Variants in VPS41 observed in about 807,000 individuals in gnomAD.
VPS41 encodes the protein VPS41 subunit of HOPS complex, also known as vacuolar protein sorting-associated protein 41 homolog.
Under a neutral mutation model 130.9 loss-of-function variants are expected in VPS41, and 85 were observed. The ratio of observed to expected loss-of-function variants is 0.65; its 90% CI spans 0.55 to 0.78. The LOEUF (loss-of-function observed/expected upper bound fraction) is 0.78, where lower values mean the gene tolerates loss of function less well. Among genes scored for constraint, VPS41 ranks in the 30% least tolerant of loss-of-function variants. The pLI, the probability that VPS41 is intolerant of heterozygous loss-of-function variation, is 0.00. For missense variants in VPS41, 874 were observed against 1,018.7 expected, an observed-to-expected ratio of 0.86 and a Z score of 1.93; for synonymous variants, 335 against 332.9, an observed-to-expected ratio of 1.01 and a Z score of -0.07.
intron 1 of VPS41, among the ~76,000 whole-genome samples, chr7:38,907,078 GAA>G (rs3056397): frequency 0.31 from 43,509 of 141,194 alleles, 6,981 homozygotes; most frequent in Non-Finnish European, 0.39. Context: ...AATATACAGG[GAA>G]AAAAAAAAAA....
intron 9 of VPS41, among the ~76,000 whole-genome samples, chr7:38,794,887 T>C (rs1048061391): frequency 2.0e-5 from 3 of 152,238 alleles, no homozygotes; most frequent in African/African-American, 7.2e-5. Flanking sequence ...TAAATGTGAA[T>C]GAGCTTTGGG....
At chr7:38,746,997 A>G (rs1012572543) in intron 22 of VPS41, among the ~76,000 whole-genome samples, 2 of 152,204 alleles carry the variant, frequency 1.3e-5, no homozygotes, top group African/African-American at 4.8e-5. Flanking sequence ...CACGTGACAG[A>G]AAAAGAAACT....
At chr7:38,805,205 C>T (rs116146736) in intron 7 of VPS41, among the ~76,000 whole-genome samples, 2 of 152,124 alleles carry the variant, frequency 1.3e-5, no homozygotes, top group Non-Finnish European at 2.9e-5. Context: ...CCTGAAAACA[C>T]GGGTTTATGT....
chr7:38,857,283 C>T (rs957104769), intron 4 of VPS41, among the ~76,000 whole-genome samples: 3 of 152,178 alleles, frequency 2.0e-5, no homozygotes, highest in Non-Finnish European at 2.9e-5. Context: ...TTGTTTTAAT[C>T]TCCTTTTTTT....
At chr7:38,831,275 G>T (rs1471568843) in intron 4 of VPS41, 5 of 470,856 alleles carry the variant, frequency 1.1e-5, no homozygotes, top group Non-Finnish European at 2.2e-5. Flanking sequence ...AATTTAGTAA[G>T]TGTGTGCAGC....
chr7:38,820,065 C>T (rs1041482478), intron 6 of VPS41, among the ~76,000 whole-genome samples: 1 of 152,108 alleles, frequency 6.6e-6, no homozygotes, highest in Non-Finnish European at 1.5e-5. Flanking sequence ...CATCCCACAC[C>T]CCATCCCCAA....
chr7:38,789,957 A>T, intron 9 of VPS41, 90 bp from the exon 10 acceptor site: 1 of 1,288,808 alleles, frequency 7.8e-7, no homozygotes, highest in Non-Finnish European at 1.1e-6. Flanking sequence ...TGTTAAATTA[A>T]CCTTGTAGCA....
chr7:38,744,951 T>C (rs1187431360), intron 23 of VPS41, among the ~76,000 whole-genome samples: 5 of 152,238 alleles, frequency 3.3e-5, no homozygotes, highest in Non-Finnish European at 5.9e-5. Context: ...ATGAATGTTA[T>C]GTTATATGCT....
At chr7:38,772,776 C>A (rs146243556) in intron 12 of VPS41, 139 bp from the exon 13 acceptor site, 3 of 545,294 alleles carry the variant, frequency 5.5e-6, no homozygotes, top group Middle Eastern at 5.4e-4. Flanking sequence ...TTTGGCTCTG[C>A]TGGAAGGTAA....
chr7:38,826,572 G>C (rs1785284014), intron 5 of VPS41, among the ~76,000 whole-genome samples: 1 of 152,018 alleles, frequency 6.6e-6, no homozygotes, highest in African/African-American at 2.4e-5. Flanking sequence ...TTCTGTTCTA[G>C]GTTCTATTCC....
chr7:38,754,480 G>A (rs1783748888), intron 21 of VPS41, among the ~76,000 whole-genome samples: 1 of 152,092 alleles, frequency 6.6e-6, no homozygotes, highest in East Asian at 1.9e-4. Flanking sequence ...ATTCAATTGT[G>A]GGTCAAAATT....
intron 17 of VPS41, among the ~76,000 whole-genome samples, chr7:38,760,397 G>A (rs1159511567): frequency 3.3e-5 from 5 of 152,210 alleles, no homozygotes; most frequent in East Asian, 3.9e-4. Flanking sequence ...CATTTCACAT[G>A]CTTCCTTTAG....
At chr7:38,823,711 T>G (rs1486651070) in intron 5 of VPS41, among the ~76,000 whole-genome samples, 1 of 152,176 alleles carries the variant, frequency 6.6e-6, no homozygotes, top group Non-Finnish European at 1.5e-5. Context: ...TTTATATACT[T>G]GTGCCAAGTT....
chr7:38,723,723 C>CAAAAAAAAAAAAAAAAAAAAAA lies in VPS41; in HGVS notation c.*2501_*2522dup, dbSNP rs58105814. On this transcript the variant is annotated 3_prime_UTR_variant, in exon 29 of 29. Coordinates refer to ENST00000310301, the MANE Select transcript of VPS41 (RefSeq NM_014396.4). Reference sequence around the variant, plus strand: ...AAGGCAACAGAACGAGACTCCATCTCAAAAAAAAAAAAAAAAAAAAAAAAA... The same window carrying CAAAAAAAAAAAAAAAAAAAAAA: ...AAGGCAACAGAACGAGACTCCATCTCAAAAAAAAAAAAAAAAAAAAAAAAAAAAAAAAAAAAAAAAAAAAAAA... 43 of 38,866 alleles carry CAAAAAAAAAAAAAAAAAAAAAA rather than the reference C, an allele frequency of 1.1e-3. 10 individuals are homozygous for CAAAAAAAAAAAAAAAAAAAAAA. The highest frequency in any genetic ancestry group is 6.1e-3 in the East Asian group (4 of 652). The allele number at this position is 38,866 out of a possible 1,614,324, so 2.4% of individuals were successfully genotyped here. A position where few individuals can be genotyped will look rare whatever the true frequency, so the allele number is the denominator to read the frequency against.
chr7:38,738,011 G>A (rs1795805914), intron 25 of VPS41, among the ~76,000 whole-genome samples: 1 of 152,058 alleles, frequency 6.6e-6, no homozygotes, highest in Non-Finnish European at 1.5e-5. Context: ...ATTTTTCTGG[G>A]GAAAACAGAG....
chr7:38,829,054 C>T (rs1217648888), intron 5 of VPS41, among the ~76,000 whole-genome samples: 1 of 152,108 alleles, frequency 6.6e-6, no homozygotes, highest in Non-Finnish European at 1.5e-5. Context: ...TCTTTCTTTA[C>T]AAATACATGA....
At chr7:38,825,522 C>CTTTTGGGAAGAGCTCATCTGAGATACG (rs1785255143) in intron 5 of VPS41, among the ~76,000 whole-genome samples, 3 of 152,148 alleles carry the variant, frequency 2.0e-5, no homozygotes, top group Non-Finnish European at 4.4e-5. Flanking sequence ...GGAATCCCTC[C>CTTTTGGGAAGAGCTCATCTGAGATACG]GCTTTTGGGA....
In VPS41 at chr7:38,723,723, C is replaced by CAAAAAAAAAAAAAAAAAAAAAAAAA. The variant is rs58105814; in HGVS notation, c.*2498_*2522dup. ...AAGGCAACAGAACGAGACTCCATCT[C>CAAAAAAAAAAAAAAAAAAAAAAAAA]AAAAAAAAAAAAAAAAAAAAAAAAA... On this transcript the variant is annotated 3_prime_UTR_variant, in exon 29 of 29. Coordinates refer to ENST00000310301, the MANE Select transcript of VPS41 (RefSeq NM_014396.4). The CAAAAAAAAAAAAAAAAAAAAAAAAA allele has an allele frequency of 2.3e-4, 9 of 38,864 alleles. 1 individual carries two copies. Among genetic ancestry groups the CAAAAAAAAAAAAAAAAAAAAAAAAA allele is most frequent in the South Asian group, 2.1e-3 (1 of 486 alleles). The allele number at this position is 38,864 out of a possible 1,614,324, so 2.4% of individuals were successfully genotyped here. A position where few individuals can be genotyped will look rare whatever the true frequency, so the allele number is the denominator to read the frequency against.
chr7:38,741,330 G>A (rs1010981614), intron 25 of VPS41: 4 of 349,484 alleles, frequency 1.1e-5, no homozygotes, highest in Non-Finnish European at 1.7e-5. Flanking sequence ...GAAGTTACCA[G>A]CATCCTGAAA....
Sources: gnomAD v4.1 joint callset for allele counts (sites outside exome capture counted in the v4.1 genomes callset) on GRCh38, gnomAD v4.1.1 for gene constraint, MANE v1.5 for transcripts, NCBI Gene and HGNC (gene_info 2026-07-23, HGNC 2026-07-21) for gene names.